MIB1: variants seen among roughly 807,000 people sequenced by gnomAD.
MIB1 encodes MIB E3 ubiquitin protein ligase 1, also known as E3 ubiquitin-protein ligase MIB1.
Under a neutral mutation model 124.5 loss-of-function variants are expected in MIB1, and 278 were observed. The ratio of observed to expected loss-of-function variants is 2.23; its 90% CI spans 2.02 to 2.47. The LOEUF (loss-of-function observed/expected upper bound fraction) is 2.47, where lower values mean the gene tolerates loss of function less well. MIB1 is among the 30% of genes most tolerant of loss of function. MIB1 has a pLI of 0.00. For missense variants in MIB1, 957 were observed against 1,254.4 expected (o/e 0.76, Z 3.58); for synonymous variants, 446 against 429.4 (o/e 1.04, Z -0.48).
chr18:21,804,062 A>G, intron 10 of MIB1, 48 bp downstream of exon 10: 2 of 1,294,532 alleles, frequency 1.5e-6, no homozygotes, highest in Non-Finnish European at 2.2e-6. Flanking sequence ...TTTCCTAGAA[A>G]TAATACTTCT....
rs756753529 is a variant in MIB1, at chr18:21,844,059, A to G, written c.2050-33A>G. On this transcript the variant is annotated intron_variant, in intron 14 of 20. Transcript: ENST00000261537. The stretch of plus-strand genomic sequence containing the variant: ...GTTGAAGTTTCTTATGGATGTGGAC[A>G]CTTTGCCAAAATGAGACATCTTTCT... 14 of 1,610,320 alleles carry G rather than the reference A, an allele frequency of 8.7e-6. No homozygotes were observed. The South Asian group carries it at 1.1e-4, about 13-fold the overall frequency.
At chr18:21,764,255 T>C (rs538334905) in intron 1 of MIB1, among the ~76,000 whole-genome samples, 2 of 152,100 alleles carry the variant, frequency 1.3e-5, no homozygotes, top group African/African-American at 4.8e-5. Flanking sequence ...CTTGCTTCCC[T>C]CCTTCCTGCC....
chr18:21,863,250 G>GT (rs2082793421), intron 20 of MIB1, among the ~76,000 whole-genome samples: 1 of 152,234 alleles, frequency 6.6e-6, no homozygotes, highest in African/African-American at 2.4e-5. Flanking sequence ...GGACAGCGGT[G>GT]TGTTATCAGC....
At chr18:21,771,116 G>A (rs1568194394) in intron 3 of MIB1, among the ~76,000 whole-genome samples, 1 of 152,158 alleles carries the variant, frequency 6.6e-6, no homozygotes, top group African/African-American at 2.4e-5. Flanking sequence ...TTTGTCAGAT[G>A]TATCCTTTAC....
At chr18:21,863,610 G>C (rs2042295516) in intron 20 of MIB1, among the ~76,000 whole-genome samples, 1 of 152,098 alleles carries the variant, frequency 6.6e-6, no homozygotes, top group Non-Finnish European at 1.5e-5. Flanking sequence ...TACTACCTGG[G>C]TCTGGAGTCT....
chr18:21,802,230 T>G (rs1598618245), intron 9 of MIB1, among the ~76,000 whole-genome samples: 2 of 152,296 alleles, frequency 1.3e-5, no homozygotes, highest in Middle Eastern at 6.8e-3. Context: ...ACTTGCACAA[T>G]GATGCACCTT....
At chr18:21,796,108 G>A (rs538569797) in intron 7 of MIB1, among the ~76,000 whole-genome samples, 2 of 145,870 alleles carry the variant, frequency 1.4e-5, no homozygotes, top group African/African-American at 5.1e-5. Context: ...CCCACTTTTT[G>A]ATGGGGTCGT....
intron 2 of MIB1, among the ~76,000 whole-genome samples, chr18:21,768,026 G>T (rs899773083): frequency 6.6e-6 from 1 of 152,128 alleles, no homozygotes; most frequent in Non-Finnish European, 1.5e-5. Flanking sequence ...GGACCTTTTA[G>T]ACTGATGATG....
chr18:21,742,268 GGA>G (rs1568182513), intron 1 of MIB1, among the ~76,000 whole-genome samples: 1 of 149,618 alleles, frequency 6.7e-6, no homozygotes, highest in Non-Finnish European at 1.5e-5. Context: ...TCGGATTTGT[GGA>G]GATGCCTTTT....
chr18:21,862,134 T>C (rs907764324), intron 20 of MIB1, among the ~76,000 whole-genome samples: 2 of 152,184 alleles, frequency 1.3e-5, no homozygotes, highest in African/African-American at 4.8e-5. Context: ...TGGGCTCAAG[T>C]GATCCTCTTA....
intron 17 of MIB1, among the ~76,000 whole-genome samples, chr18:21,850,762 T>G (rs1041560666): frequency 9.8e-5 from 15 of 152,336 alleles, no homozygotes; most frequent in Non-Finnish European, 2.1e-4. Context: ...AATAAATTAA[T>G]GTGGATCATT....
At chr18:21,853,958 C>G (rs1166119525) in intron 18 of MIB1, among the ~76,000 whole-genome samples, 1 of 128,924 alleles carries the variant, frequency 7.8e-6, no homozygotes, top group Non-Finnish European at 1.6e-5. Context: ...TCTGCCTTCC[C>G]AATTCAAGTG....
intron 1 of MIB1, among the ~76,000 whole-genome samples, chr18:21,753,077 G>A (rs889742744): frequency 6.6e-5 from 10 of 151,946 alleles, no homozygotes; most frequent in Non-Finnish European, 1.5e-4. Context: ...ATTTTTGAAA[G>A]ACTAAAAAAT....
At chr18:21,782,792 G>C (rs542485417) in intron 6 of MIB1, among the ~76,000 whole-genome samples, 37 of 152,166 alleles carry the variant, frequency 2.4e-4, no homozygotes, top group African/African-American at 8.2e-4. Flanking sequence ...TATTTGGTTT[G>C]GATTGTAGTT....
chr18:21,819,491 A>G lies in MIB1; in HGVS notation c.1678-4A>G. The G allele has an allele frequency of 6.3e-7, 1 of 1,582,594 alleles. No homozygotes were observed. Among genetic ancestry groups the G allele is most frequent in the East Asian group, 2.2e-5 (1 of 44,612 alleles). ...AACTAATGAAAATTTCTTTAAACTT[A>G]AAGGATTCTGAAGGTGATACCCCTC... On this transcript the variant is annotated splice_region_variant and splice_polypyrimidine_tract_variant and intron_variant, in intron 11 of 20. Coordinates refer to ENST00000261537, the MANE Select transcript of MIB1 (RefSeq NM_020774.4).
Position 21,838,342 on chromosome 18 carries a change from A to G in MIB1, c.1830-23A>G, listed in dbSNP as rs371577603. 5 of 1,530,308 alleles carry G rather than the reference A, an allele frequency of 3.3e-6. No individual in the cohort carries two copies. The African/African-American group carries it at 6.9e-5, about 21-fold the overall frequency. The allele number at this position is 1,530,308 out of a possible 1,614,324, so 94.8% of individuals were successfully genotyped here. A position where few individuals can be genotyped will look rare whatever the true frequency, so the allele number is the denominator to read the frequency against. ...GTATATCAAATTATGCAAATATAGA[A>G]ATAATGTGAATTTAACTTTCAGTGC... On this transcript the variant is annotated intron_variant, in intron 12 of 20. Transcript: ENST00000261537.
intron 10 of MIB1, among the ~76,000 whole-genome samples, chr18:21,814,534 G>C (rs1313451930): frequency 6.6e-6 from 1 of 152,030 alleles, no homozygotes; most frequent in African/African-American, 2.4e-5. Context: ...AGTGAGCTAT[G>C]ACTGCCACTG....
rs555100569 is a variant in MIB1 at position 21,768,716 on chromosome 18, G to T, written c.495G>T (p.Trp165Cys). The T allele has an allele frequency of 6.2e-7, 1 of 1,611,190 alleles. No homozygotes were observed. The highest frequency in any genetic ancestry group is 2.2e-5 in the East Asian group (1 of 44,762). The change falls in exon 3 of 21, where the codon TGG (tryptophan) becomes TGT (cysteine). Residue 165 changes from tryptophan (W) to cysteine (C), a missense_variant. By Grantham distance (215) the Trp-to-Cys change is radical. Coordinates refer to ENST00000261537, the MANE Select transcript of MIB1 (RefSeq NM_020774.4). ...TGGTGCGAGGAGTGGACTGGCAGTGGGAAGATCAAGATGGAGGAAATGGAC... is the reference window on the plus strand; with the variant it reads ...TGGTGCGAGGAGTGGACTGGCAGTGTGAAGATCAAGATGGAGGAAATGGAC... ...ARVVRGVDWQWEDQDGGNGRR... is the reference protein window; with the variant it reads ...ARVVRGVDWQCEDQDGGNGRR...
chr18:21,855,797 T>C (rs924497616), intron 18 of MIB1, among the ~76,000 whole-genome samples: 3 of 152,234 alleles, frequency 2.0e-5, no homozygotes, highest in African/African-American at 7.2e-5. Flanking sequence ...TTTCCCATTT[T>C]TGAAATGAAC....
Sources: allele counts gnomAD v4.1 joint callset (sites outside exome capture counted in the v4.1 genomes callset), GRCh38; gene constraint gnomAD v4.1.1; transcripts MANE v1.5; gene names NCBI Gene and HGNC (gene_info 2026-07-23, HGNC 2026-07-21).